PLEKHA7: variants seen among roughly 807,000 people sequenced by gnomAD.
The protein encoded by PLEKHA7 is pleckstrin homology domain containing A7.
A neutral mutation model predicts 170.0 loss-of-function variants in PLEKHA7; 104 were observed. The observed-to-expected ratio is 0.61, with a 90% CI of 0.52 to 0.72. The LOEUF is 0.72. Ranked by LOEUF, PLEKHA7 falls within the 30% of genes least tolerant of loss-of-function variation. PLEKHA7 has a pLI of 0.00. For synonymous variants in PLEKHA7, 648 were observed against 660.8 expected (o/e 0.98, Z 0.30); for missense variants, 1,615 against 1,671.7 (o/e 0.97, Z 0.59).
At chr11:16,899,987 G>C (rs924799249) in intron 3 of PLEKHA7, among the ~76,000 whole-genome samples, 1 of 152,190 alleles carries the variant, frequency 6.6e-6, no homozygotes, top group East Asian at 1.9e-4. Context: ...CCTGGATAAG[G>C]TGTGGGGGGC....
Position 16,816,861 on chromosome 11 carries a change from C to T in PLEKHA7, c.1805G>A (p.Arg602Lys), listed in dbSNP as rs1447272249. ...ERVTVKPPDQ[R>K]RSVDISLGDS... ...CCCCAGCGAGATGTCCACACTCCTC[C>T]TCTGGTCCGGTGGCTTCACTGTGAC... The change falls in exon 11 of 27, where the codon AGG becomes AAG. Residue 602 changes from arginine (R) to lysine (K), a missense_variant. Physicochemically the swap from Arg to Lys is conservative, Grantham distance 26. Coordinates refer to ENST00000531066, the MANE Select transcript of PLEKHA7 (RefSeq NM_001329630.2). The T allele has an allele frequency of 3.1e-6, 5 of 1,614,010 alleles. No homozygotes were observed. The highest frequency in any genetic ancestry group is 4.2e-6 in the Non-Finnish European group (5 of 1,180,034).
At chr11:16,999,595 A>G (rs1001156678) in intron 3 of PLEKHA7, among the ~76,000 whole-genome samples, 1 of 151,998 alleles carries the variant, frequency 6.6e-6, no homozygotes, top group Admixed American at 6.6e-5. Context: ...AGACAGCTGT[A>G]CCCCACTGAT....
At chr11:16,985,574 C>T (rs1863675690) in intron 3 of PLEKHA7, among the ~76,000 whole-genome samples, 1 of 152,130 alleles carries the variant, frequency 6.6e-6, no homozygotes, top group Non-Finnish European at 1.5e-5. Flanking sequence ...AGCTAGACAG[C>T]CTAAGAGGGG....
intron 3 of PLEKHA7, among the ~76,000 whole-genome samples, chr11:16,959,393 C>T (rs1375031379): frequency 6.6e-6 from 1 of 152,182 alleles, no homozygotes; most frequent in African/African-American, 2.4e-5. Flanking sequence ...AATTCAAATC[C>T]TGTCTTGTGT....
intron 3 of PLEKHA7, among the ~76,000 whole-genome samples, chr11:16,979,897 C>T (rs1863318103): frequency 6.6e-6 from 1 of 152,144 alleles, no homozygotes; most frequent in Non-Finnish European, 1.5e-5. Context: ...AGGGTCTCCA[C>T]ATCTTGTAAG....
At chr11:16,965,589 T>C (rs1220286272) in intron 3 of PLEKHA7, among the ~76,000 whole-genome samples, 2 of 152,074 alleles carry the variant, frequency 1.3e-5, no homozygotes, top group Non-Finnish European at 2.9e-5. Context: ...GGCAGTGTAT[T>C]TTCTTCTCCC....
At chr11:16,859,088 G>C (rs1272856585) in intron 4 of PLEKHA7, among the ~76,000 whole-genome samples, 1 of 152,224 alleles carries the variant, frequency 6.6e-6, no homozygotes, top group African/African-American at 2.4e-5. Flanking sequence ...TATGCCCCAG[G>C]GAAGGGACTG....
chr11:16,974,715 T>C lies in PLEKHA7; in HGVS notation c.221+39274A>G. 4.5e-6 allele frequency: 3 copies of C among 662,484 alleles called. 1 individual carries two copies. Among genetic ancestry groups the C allele is most frequent in the Non-Finnish European group, 5.5e-6 (3 of 542,614 alleles). 41.0% of individuals were successfully genotyped at this position (662,484 alleles called of 1,614,324 possible). A position where few individuals can be genotyped will look rare whatever the true frequency, so the allele number is the denominator to read the frequency against. Reference sequence around the variant, plus strand: ...CACTTAGAACTGGATCACTTGGCCCTTTCTCTTCTTATCTCCTCCCAGTTC... The same window carrying C: ...CACTTAGAACTGGATCACTTGGCCCCTTCTCTTCTTATCTCCTCCCAGTTC... On this transcript the variant is annotated intron_variant, in intron 3 of 26. Coordinates refer to ENST00000531066, the MANE Select transcript of PLEKHA7 (RefSeq NM_001329630.2).
intron 24 of PLEKHA7, among the ~76,000 whole-genome samples, chr11:16,785,372 T>G (rs536502057): frequency 2.8e-4 from 43 of 152,344 alleles, no homozygotes; most frequent in African/African-American, 1.0e-3. Context: ...CTTGTACAAA[T>G]GCTTTTGGTA....
intron 3 of PLEKHA7, among the ~76,000 whole-genome samples, chr11:16,961,485 G>A (rs754645189): frequency 2.6e-5 from 4 of 152,186 alleles, no homozygotes; most frequent in Non-Finnish European, 5.9e-5. Flanking sequence ...TTACAATTAC[G>A]GGCTACAGGC....
intron 3 of PLEKHA7, among the ~76,000 whole-genome samples, chr11:16,897,554 G>A (rs1316446186): frequency 6.6e-6 from 1 of 152,180 alleles, no homozygotes; most frequent in Non-Finnish European, 1.5e-5. Flanking sequence ...GAGATGCCAT[G>A]CATTAAGTAC....
intron 3 of PLEKHA7, among the ~76,000 whole-genome samples, chr11:16,936,564 G>A (rs1860320494): frequency 6.6e-6 from 1 of 152,080 alleles, no homozygotes; most frequent in African/African-American, 2.4e-5. Flanking sequence ...CAATCATTGG[G>A]CAAATCCAAT....
intron 3 of PLEKHA7, among the ~76,000 whole-genome samples, chr11:17,012,907 T>C (rs905255695): frequency 6.6e-6 from 1 of 152,338 alleles, no homozygotes; most frequent in African/African-American, 2.4e-5. Flanking sequence ...TCAACTATTA[T>C]GCAAGAACCC....
chr11:16,795,623 T>C (rs181340264), intron 17 of PLEKHA7, among the ~76,000 whole-genome samples: 1 of 151,948 alleles, frequency 6.6e-6, no homozygotes, highest in Admixed American at 6.5e-5. Context: ...ACCCCATCTC[T>C]ACTATAAATA....
chr11:16,882,531 A>G (rs912406357), intron 3 of PLEKHA7, among the ~76,000 whole-genome samples: 2 of 152,238 alleles, frequency 1.3e-5, no homozygotes, highest in African/African-American at 4.8e-5. Flanking sequence ...TGAATGACTC[A>G]CAAGCCATGC....
chr11:16,936,186 G>C (rs1860277876), intron 3 of PLEKHA7, among the ~76,000 whole-genome samples: 1 of 151,858 alleles, frequency 6.6e-6, no homozygotes, highest in South Asian at 2.1e-4. Flanking sequence ...CGGATCACAG[G>C]GTCAGGAGTT....
intron 3 of PLEKHA7, among the ~76,000 whole-genome samples, chr11:16,994,131 A>G (rs1238564118): frequency 6.6e-6 from 1 of 152,214 alleles, no homozygotes; most frequent in Non-Finnish European, 1.5e-5. Context: ...AGCACCAAGC[A>G]CACAGGCCTG....
At chr11:16,902,817 AATAAC>A (rs1857422915) in intron 3 of PLEKHA7, among the ~76,000 whole-genome samples, 1 of 152,030 alleles carries the variant, frequency 6.6e-6, no homozygotes, top group Non-Finnish European at 1.5e-5. Context: ...TGAGGATTGA[AATAAC>A]ACAGGTAAAG....
chr11:16,779,113 CAGAGCAGCAGAGCAGGGGGCTCTGGCA>C, intron 26 of PLEKHA7, 93 bp from the exon 27 acceptor site: 1 of 696,412 alleles, frequency 1.4e-6, no homozygotes, highest in East Asian at 2.7e-5. Flanking sequence ...GGCGGACAGG[CAGAGCAGCAGAGCAGGGGGCTCTGGCA>C]ATGCGGCCGC....
Sources: allele counts gnomAD v4.1 joint callset (sites outside exome capture counted in the v4.1 genomes callset), GRCh38; gene constraint gnomAD v4.1.1; transcripts MANE v1.5; gene names NCBI Gene and HGNC (gene_info 2026-07-23, HGNC 2026-07-21).